Variants in ABCA13 observed in about 807,000 individuals in gnomAD.
The protein encoded by ABCA13 is ATP binding cassette subfamily A member 13.
In ABCA13, 476 loss-of-function variants were observed where a neutral mutation model predicts 478.7. The ratio of observed to expected loss-of-function variants is 0.99; its 90% CI spans 0.92 to 1.07. The LOEUF is 1.07. ABCA13 is among the 50% of genes least tolerant of loss of function. ABCA13 has a pLI of 0.00. For synonymous variants in ABCA13, 2,252 were observed against 2,158.9 expected (o/e 1.04, Z -1.20); for missense variants, 6,060 against 5,910.6 (o/e 1.03, Z -0.83).
At chr7:48,195,687 G>A (rs748556781) in intron 2 of ABCA13, among the ~76,000 whole-genome samples, 44 of 152,116 alleles carry the variant, frequency 2.9e-4, no homozygotes, top group African/African-American at 1.2e-4. Flanking sequence ...ACATAGATGA[G>A]GACACCTAAG....
At chr7:48,451,883 G>C (rs934118760) in intron 42 of ABCA13, among the ~76,000 whole-genome samples, 1 of 152,200 alleles carries the variant, frequency 6.6e-6, no homozygotes, top group Non-Finnish European at 1.5e-5. Context: ...GGGAATGCAT[G>C]ATTATGGATG....
intron 59 of ABCA13, among the ~76,000 whole-genome samples, chr7:48,632,009 T>A (rs768633350): frequency 2.6e-5 from 4 of 152,204 alleles, no homozygotes; most frequent in Non-Finnish European, 1.5e-5. Context: ...TTTGTGCACA[T>A]TGATTTTGTA....
At chr7:48,281,757 A>T (rs1224904887) in intron 19 of ABCA13, among the ~76,000 whole-genome samples, 1 of 152,184 alleles carries the variant, frequency 6.6e-6, no homozygotes, top group Non-Finnish European at 1.5e-5. Context: ...TCTGTGGCCT[A>T]GAGCTGGGGG....
chr7:48,333,727 C>A (rs1805775499), intron 27 of ABCA13, among the ~76,000 whole-genome samples: 1 of 152,198 alleles, frequency 6.6e-6, no homozygotes, highest in South Asian at 2.1e-4. Flanking sequence ...GATGAGATTT[C>A]TCCAGTCCAG....
At chr7:48,577,842 T>C (rs1256370917) in intron 55 of ABCA13, among the ~76,000 whole-genome samples, 2 of 152,096 alleles carry the variant, frequency 1.3e-5, no homozygotes, top group African/African-American at 4.8e-5. Flanking sequence ...AGTATCAAAT[T>C]GAGTCTAACA....
intron 27 of ABCA13, among the ~76,000 whole-genome samples, chr7:48,335,045 C>T (rs118168942): frequency 0.033 from 5,053 of 152,272 alleles, 118 homozygotes; most frequent in South Asian, 0.058. Context: ...ATTCTATCCT[C>T]AATAGTGTTG....
rs1222364989 is a variant in ABCA13, at chr7:48,645,725, TC to T, written c.*215del. 2 of 503,070 alleles carry T rather than the reference TC, an allele frequency of 4.0e-6. No homozygotes were observed. The highest frequency in any genetic ancestry group is 2.0e-5 in the African/African-American group (1 of 50,306). The allele number at this position is 503,070 out of a possible 1,614,324, so 31.2% of individuals were successfully genotyped here. ...TTTCTGCAGACTTTTGGGGAGCTCC[TC>T]CAAAACATTTGTTCTCTTTACCATG... On this transcript the variant is annotated 3_prime_UTR_variant, in exon 62 of 62. Coordinates refer to ENST00000435803, the MANE Select transcript of ABCA13 (RefSeq NM_152701.5).
intron 1 of ABCA13, among the ~76,000 whole-genome samples, chr7:48,175,646 C>A (rs1015579082): frequency 6.6e-6 from 1 of 152,144 alleles, no homozygotes. Context: ...GCCTAGAACT[C>A]CTGACCTCAG....
intron 6 of ABCA13, among the ~76,000 whole-genome samples, chr7:48,229,403 A>G (rs1788719475): frequency 6.6e-6 from 1 of 152,190 alleles, no homozygotes; most frequent in South Asian, 2.1e-4. Context: ...CCCAAATATT[A>G]GACTGATTAT....
chr7:48,562,354 A>G (rs1786553982), intron 55 of ABCA13, among the ~76,000 whole-genome samples: 1 of 152,214 alleles, frequency 6.6e-6, no homozygotes, highest in Admixed American at 6.5e-5. Flanking sequence ...TTCCTTAATG[A>G]CATCTAAGGT....
intron 29 of ABCA13, among the ~76,000 whole-genome samples, chr7:48,344,270 T>C (rs878214): frequency 0.069 from 10,381 of 151,480 alleles, 835 homozygotes; most frequent in African/African-American, 0.19. Context: ...CTACACTGCA[T>C]GGAACAGCCC....
intron 43 of ABCA13, 88 bp downstream of exon 43, chr7:48,455,374 T>C (rs1825552402): frequency 3.6e-5 from 51 of 1,435,250 alleles, no homozygotes; most frequent in Non-Finnish European, 4.8e-5. Flanking sequence ...GAATTCTAGA[T>C]AAAAACTGGA....
At chr7:48,324,707 T>C (rs575900071) in intron 27 of ABCA13, among the ~76,000 whole-genome samples, 3 of 152,280 alleles carry the variant, frequency 2.0e-5, no homozygotes, top group East Asian at 1.9e-4. Flanking sequence ...CAGTTGCAGG[T>C]CATCTCTCAG....
At chr7:48,332,264 A>G (rs1356679209) in intron 27 of ABCA13, among the ~76,000 whole-genome samples, 2 of 152,224 alleles carry the variant, frequency 1.3e-5, no homozygotes, top group African/African-American at 4.8e-5. Context: ...ACATGATTTT[A>G]GGATACCCAT....
At chr7:48,528,694 G>A (rs1237056255) in intron 55 of ABCA13, among the ~76,000 whole-genome samples, 1 of 152,054 alleles carries the variant, frequency 6.6e-6, no homozygotes, top group Non-Finnish European at 1.5e-5. Flanking sequence ...ATTCTCCTCT[G>A]GATAAAACTT....
chr7:48,203,267 A>C (rs1308797938), intron 3 of ABCA13, among the ~76,000 whole-genome samples: 1 of 152,114 alleles, frequency 6.6e-6, no homozygotes. Context: ...CAAGCGCCGC[A>C]CGCAGCCCCG....
At chr7:48,290,939 G>GAAAAAAAA (rs754416012) in intron 20 of ABCA13, among the ~76,000 whole-genome samples, 11 of 79,606 alleles carry the variant, frequency 1.4e-4, no homozygotes, top group African/African-American at 2.1e-4. Flanking sequence ...TCACACTCAG[G>GAAAAAAAA]GAAAAAAAAA....
chr7:48,448,213 C>T (rs71547887), intron 42 of ABCA13, among the ~76,000 whole-genome samples: 19,277 of 152,120 alleles, frequency 0.13, 1,588 homozygotes, highest in Non-Finnish European at 0.18. Context: ...AATTATCTCT[C>T]GCCCTAACCA....
intron 37 of ABCA13, among the ~76,000 whole-genome samples, chr7:48,390,467 A>G (rs1281122617): frequency 2.6e-5 from 4 of 152,216 alleles, no homozygotes; most frequent in African/African-American, 9.6e-5. Context: ...AAAGAGTTTT[A>G]AGTTCATCGA....
Sources: allele counts gnomAD v4.1 joint callset (sites outside exome capture counted in the v4.1 genomes callset), GRCh38; gene constraint gnomAD v4.1.1; transcripts MANE v1.5; gene names NCBI Gene and HGNC (gene_info 2026-07-23, HGNC 2026-07-21).